The following RALGPS1 variants were observed in gnomAD, a reference collection of about 807,000 sequenced individuals.
RALGPS1 encodes the protein Ral GEF with PH domain and SH3 binding motif 1, also known as ras-specific guanine nucleotide-releasing factor RalGPS1.
In RALGPS1, 19 loss-of-function variants were observed where a neutral mutation model predicts 78.8. That is an observed-to-expected ratio of 0.24 (90% CI 0.17 to 0.35). RALGPS1 has a LOEUF of 0.35. Ranked by LOEUF, RALGPS1 falls within the 10% of genes least tolerant of loss-of-function variation. RALGPS1 has a pLI of 1.00. For synonymous variants in RALGPS1, 228 were observed against 256.3 expected, an observed-to-expected ratio of 0.89 and a Z score of 1.06; for missense variants, 454 against 688.3, an observed-to-expected ratio of 0.66 and a Z score of 3.81.
intron 8 of RALGPS1, among the ~76,000 whole-genome samples, chr9:127,105,700 C>G (rs1214974930): frequency 6.6e-6 from 1 of 152,188 alleles, no homozygotes; most frequent in African/African-American, 2.4e-5. Flanking sequence ...GATACTCCCT[C>G]CCAGAGAAAT....
At chr9:127,166,685 G>A (rs2059309403) in intron 9 of RALGPS1, among the ~76,000 whole-genome samples, 1 of 152,180 alleles carries the variant, frequency 6.6e-6, no homozygotes, top group Non-Finnish European at 1.5e-5. Flanking sequence ...GTCCAGGCTT[G>A]CAAGCAGTGC....
chr9:126,982,377 C>G (rs964517751), intron 4 of RALGPS1, among the ~76,000 whole-genome samples: 11 of 152,174 alleles, frequency 7.2e-5, no homozygotes, highest in African/African-American at 2.4e-4. Context: ...CACGTCACCT[C>G]TCTAAGTTTT....
intron 18 of RALGPS1, among the ~76,000 whole-genome samples, chr9:127,215,286 A>G (rs7048918): frequency 0.14 from 22,010 of 152,166 alleles, 4,862 homozygotes; most frequent in African/African-American, 0.48. Flanking sequence ...GACCACGCAA[A>G]GCTGCTGGTG....
chr9:127,092,268 C>T (rs1033639692), intron 8 of RALGPS1, among the ~76,000 whole-genome samples: 4 of 152,174 alleles, frequency 2.6e-5, no homozygotes, highest in African/African-American at 2.4e-5. Context: ...TAAGTAGGCA[C>T]GCAGCAGGCA....
intron 4 of RALGPS1, among the ~76,000 whole-genome samples, chr9:127,027,612 C>A (rs1041787602): frequency 6.6e-6 from 1 of 152,216 alleles, no homozygotes; most frequent in Admixed American, 6.5e-5. Flanking sequence ...ATGCGACCCC[C>A]ACCCACCAGT....
intron 4 of RALGPS1, among the ~76,000 whole-genome samples, chr9:127,017,518 C>T (rs1011687018): frequency 6.6e-6 from 1 of 152,100 alleles, no homozygotes; most frequent in East Asian, 1.9e-4. Flanking sequence ...TACTGTAATA[C>T]ACAACTGTAG....
intron 8 of RALGPS1, among the ~76,000 whole-genome samples, chr9:127,104,152 A>G (rs2053999304): frequency 6.6e-6 from 1 of 152,216 alleles, no homozygotes; most frequent in African/African-American, 2.4e-5. Flanking sequence ...TGAGAAATAA[A>G]GTGAACTGGT....
At chr9:126,969,884 T>C (rs2039932371) in intron 3 of RALGPS1, among the ~76,000 whole-genome samples, 1 of 152,182 alleles carries the variant, frequency 6.6e-6, no homozygotes, top group Admixed American at 6.5e-5. Flanking sequence ...GCTAAAACTT[T>C]GGCTGTCCCT....
intron 8 of RALGPS1, among the ~76,000 whole-genome samples, chr9:127,090,855 G>A (rs1779717778): frequency 1.3e-5 from 2 of 152,224 alleles, no homozygotes; most frequent in African/African-American, 2.4e-5. Context: ...GCCCTGGGGA[G>A]GCATTAACTG....
At chr9:127,125,107 C>G (rs2056512344) in intron 8 of RALGPS1, among the ~76,000 whole-genome samples, 1 of 152,176 alleles carries the variant, frequency 6.6e-6, no homozygotes, top group African/African-American at 2.4e-5. Context: ...CCTCACTTTC[C>G]TCATCTGTAA....
At chr9:127,131,797 T>C (rs1262825281) in intron 8 of RALGPS1, among the ~76,000 whole-genome samples, 2 of 152,224 alleles carry the variant, frequency 1.3e-5, no homozygotes, top group Non-Finnish European at 2.9e-5. Flanking sequence ...GCTTGAGATA[T>C]GCATAGCAGG....
chr9:126,919,617 T>G (rs1008458077), intron 1 of RALGPS1, among the ~76,000 whole-genome samples: 25 of 152,216 alleles, frequency 1.6e-4, no homozygotes, highest in African/African-American at 6.0e-4. Context: ...GGGGTTTTTG[T>G]GCGGAGGAAG....
chr9:126,925,472 T>G (rs146390938), intron 1 of RALGPS1, among the ~76,000 whole-genome samples: 26 of 151,456 alleles, frequency 1.7e-4, no homozygotes, highest in African/African-American at 5.1e-4. Flanking sequence ...CACTGGAACC[T>G]GGGGGGCAGA....
chr9:126,923,319 A>G (rs1197061609), intron 1 of RALGPS1, among the ~76,000 whole-genome samples: 1 of 152,212 alleles, frequency 6.6e-6, no homozygotes, highest in Admixed American at 6.5e-5. Context: ...ATTGCCCAAG[A>G]TGTAGCTGTG....
intron 1 of RALGPS1, among the ~76,000 whole-genome samples, chr9:126,916,081 A>G (rs2034127952): frequency 6.6e-6 from 1 of 152,180 alleles, no homozygotes; most frequent in African/African-American, 2.4e-5. Flanking sequence ...TGAGGATAGG[A>G]TGAAACAGTG....
intron 8 of RALGPS1, among the ~76,000 whole-genome samples, chr9:127,135,195 C>T (rs1314836137): frequency 6.6e-6 from 1 of 152,202 alleles, no homozygotes; most frequent in Non-Finnish European, 1.5e-5. Flanking sequence ...TCACATTGAA[C>T]ATAGAAACTG....
At chr9:126,945,207 C>CT (rs1289011627) in intron 1 of RALGPS1, among the ~76,000 whole-genome samples, 9 of 151,262 alleles carry the variant, frequency 5.9e-5, no homozygotes, top group East Asian at 3.9e-4. Context: ...CTTTCTCTTG[C>CT]TTTTTTTTTG....
At chr9:127,169,768 G>C (rs995940774) in intron 10 of RALGPS1, among the ~76,000 whole-genome samples, 1 of 152,026 alleles carries the variant, frequency 6.6e-6, no homozygotes, top group African/African-American at 2.4e-5. Context: ...TTTTCAGCAC[G>C]GTATTTAATA....
At chr9:127,137,657 T>C (rs1276890075) in intron 8 of RALGPS1, among the ~76,000 whole-genome samples, 1 of 152,240 alleles carries the variant, frequency 6.6e-6, no homozygotes, top group Admixed American at 6.5e-5. Flanking sequence ...CAAAAGATTC[T>C]GACTTATACA....
Sources: gnomAD v4.1 joint callset for allele counts (sites outside exome capture counted in the v4.1 genomes callset) on GRCh38, gnomAD v4.1.1 for gene constraint, MANE v1.5 for transcripts, NCBI Gene and HGNC (gene_info 2026-07-23, HGNC 2026-07-21) for gene names.